CRPPA: variants seen among roughly 807,000 people sequenced by gnomAD.
The protein encoded by CRPPA is D-ribitol-5-phosphate cytidylyltransferase.
In CRPPA, 43 loss-of-function variants were observed where a neutral mutation model predicts 52.0. The observed-to-expected ratio is 0.83, with a 90% CI of 0.65 to 1.07. The LOEUF (loss-of-function observed/expected upper bound fraction) is 1.07, where lower values mean the gene tolerates loss of function less well. Ranked by LOEUF, CRPPA falls within the 50% of genes least tolerant of loss-of-function variation. The pLI, the probability that CRPPA is intolerant of heterozygous loss-of-function variation, is 0.00. For synonymous variants in CRPPA, 250 were observed against 203.5 expected (o/e 1.23, Z -1.94); for missense variants, 629 against 551.7 (o/e 1.14, Z -1.40).
chr7:16,179,488 A>T lies in CRPPA; in HGVS notation c.1251+36578T>A, dbSNP rs187276334. 5.6e-3 allele frequency among the ~76,000 whole-genome samples: 855 copies of T among 152,194 alleles called. 9 individuals carry two copies. The highest frequency in any genetic ancestry group is 0.019 in the African/African-American group (807 of 41,546). Reference sequence around the variant, plus strand: ...ACAGGATTCCTTATAAAAGGGAGGTAGATGGGTAAGAGAGAGAGGTGTAAC... The same window carrying T: ...ACAGGATTCCTTATAAAAGGGAGGTTGATGGGTAAGAGAGAGAGGTGTAAC... On this transcript the variant is annotated intron_variant, in intron 9 of 9. Transcript: ENST00000407010.
At chr7:16,410,028 G>A (rs983526080) in intron 1 of CRPPA, among the ~76,000 whole-genome samples, 40 of 152,200 alleles carry the variant, frequency 2.6e-4, no homozygotes, top group African/African-American at 9.6e-4. Flanking sequence ...AACAAAGGAG[G>A]CTCTCATTAC....
chr7:16,116,383 G>T (rs1219343000), intron 9 of CRPPA, among the ~76,000 whole-genome samples: 1 of 152,152 alleles, frequency 6.6e-6, no homozygotes, highest in Non-Finnish European at 1.5e-5. Flanking sequence ...AAGAATGAGT[G>T]GTCGGGCGCA....
intron 9 of CRPPA, among the ~76,000 whole-genome samples, chr7:16,177,590 A>G (rs1190476912): frequency 1.3e-5 from 2 of 152,130 alleles, no homozygotes; most frequent in African/African-American, 4.8e-5. Flanking sequence ...ATACAAAACT[A>G]AAAAGTTTGA....
At chr7:16,406,385 T>A in intron 1 of CRPPA, 48 bp from the exon 2 acceptor site, 1 of 1,499,014 alleles carries the variant, frequency 6.7e-7, no homozygotes, top group Non-Finnish European at 9.2e-7. Context: ...CTTAGACAAC[T>A]AAAGTGAGTA....
At chr7:16,391,767 C>T (rs933971543) in intron 2 of CRPPA, among the ~76,000 whole-genome samples, 3 of 152,138 alleles carry the variant, frequency 2.0e-5, no homozygotes, top group Non-Finnish European at 4.4e-5. Flanking sequence ...GTCTCTCCAG[C>T]ACCTAGAAAA....
intron 5 of CRPPA, among the ~76,000 whole-genome samples, chr7:16,285,846 C>T (rs941132487): frequency 6.7e-6 from 1 of 149,900 alleles, no homozygotes; most frequent in African/African-American, 2.5e-5. Context: ...AAGGTGAAAC[C>T]CCATTTCCAC....
intron 9 of CRPPA, among the ~76,000 whole-genome samples, chr7:16,211,416 T>C (rs1198486148): frequency 2.0e-5 from 3 of 152,194 alleles, no homozygotes; most frequent in African/African-American, 7.2e-5. Flanking sequence ...GTATTATGGG[T>C]TTCTGTAAAC....
At chr7:16,409,176 A>T (rs1788022882) in intron 1 of CRPPA, among the ~76,000 whole-genome samples, 1 of 152,226 alleles carries the variant, frequency 6.6e-6, no homozygotes, top group Admixed American at 6.5e-5. Flanking sequence ...TGCTGGAATT[A>T]TAGAAGTGAA....
chr7:16,364,207 C>T (rs1786529809), intron 3 of CRPPA, among the ~76,000 whole-genome samples: 1 of 152,122 alleles, frequency 6.6e-6, no homozygotes, highest in African/African-American at 2.4e-5. Flanking sequence ...AGCATCTGAG[C>T]CTCAGGTACT....
At chr7:16,273,170 A>G (rs116677605) in intron 6 of CRPPA, among the ~76,000 whole-genome samples, 1,875 of 148,094 alleles carry the variant, frequency 0.013, 40 homozygotes, top group African/African-American at 0.044. Context: ...TACTGATACA[A>G]ACAGGAGACA....
chr7:16,100,059 C>A (rs1583354420), intron 9 of CRPPA, among the ~76,000 whole-genome samples: 1 of 152,318 alleles, frequency 6.6e-6, no homozygotes, highest in East Asian at 1.9e-4. Context: ...TCACAATTTT[C>A]AGCTACTCCT....
chr7:16,312,189 A>T (rs1785048237), intron 3 of CRPPA, among the ~76,000 whole-genome samples: 1 of 152,016 alleles, frequency 6.6e-6, no homozygotes, highest in Admixed American at 6.6e-5. Context: ...GGATTGCATC[A>T]AATTTGTAGA....
At chr7:16,213,439 C>A (rs1490171515) in intron 9 of CRPPA, among the ~76,000 whole-genome samples, 2 of 151,866 alleles carry the variant, frequency 1.3e-5, no homozygotes, top group African/African-American at 2.4e-5. Context: ...CAATCTTTTA[C>A]AAATTTTTTT....
At chr7:16,254,851 GAAGAAAGA>G (rs765005404) in intron 8 of CRPPA, among the ~76,000 whole-genome samples, 2 of 139,236 alleles carry the variant, frequency 1.4e-5, no homozygotes, top group African/African-American at 2.8e-5. Flanking sequence ...GAAAGAGAAA[GAAGAAAGA>G]AAGAAAGAAA....
intron 3 of CRPPA, among the ~76,000 whole-genome samples, chr7:16,323,369 G>C (rs935469087): frequency 6.6e-6 from 1 of 152,110 alleles, no homozygotes; most frequent in African/African-American, 2.4e-5. Context: ...CTTGATTTTA[G>C]GTTTGGTCAT....
intron 3 of CRPPA, among the ~76,000 whole-genome samples, chr7:16,356,625 G>C (rs886770274): frequency 2.0e-5 from 3 of 152,070 alleles, no homozygotes; most frequent in African/African-American, 7.2e-5. Flanking sequence ...AGCCAATAGA[G>C]ACTACATTTC....
At chr7:16,340,569 C>T (rs1785797123) in intron 3 of CRPPA, among the ~76,000 whole-genome samples, 2 of 112,932 alleles carry the variant, frequency 1.8e-5, no homozygotes, top group Middle Eastern at 4.5e-3. Flanking sequence ...AAATCCACAA[C>T]ATTAACTATC....
At chr7:16,229,268 T>A (rs746515379) in intron 8 of CRPPA, among the ~76,000 whole-genome samples, 2 of 152,026 alleles carry the variant, frequency 1.3e-5, no homozygotes, top group African/African-American at 4.8e-5. Flanking sequence ...AAAATATACT[T>A]ACATTCAAGA....
chr7:16,140,989 A>G (rs1179954638), intron 9 of CRPPA, among the ~76,000 whole-genome samples: 2 of 152,186 alleles, frequency 1.3e-5, no homozygotes, highest in Admixed American at 6.5e-5. Flanking sequence ...AATGGACCTG[A>G]TATTAAGAAC....
Sources: allele counts gnomAD v4.1 joint callset (sites outside exome capture counted in the v4.1 genomes callset), GRCh38; gene constraint gnomAD v4.1.1; transcripts MANE v1.5; gene names NCBI Gene and HGNC (gene_info 2026-07-23, HGNC 2026-07-21).